ADAMTS19: variants seen among roughly 807,000 people sequenced by gnomAD.
ADAMTS19 encodes the protein ADAM metallopeptidase with thrombospondin type 1 motif 19.
A neutral mutation model predicts 153.3 loss-of-function variants in ADAMTS19; 93 were observed. The observed-to-expected ratio is 0.61, with a 90% CI of 0.51 to 0.72. The LOEUF (loss-of-function observed/expected upper bound fraction) is 0.72. Among genes scored for constraint, ADAMTS19 ranks in the 30% least tolerant of loss-of-function variants. The probability of loss-of-function intolerance (pLI) is 0.00; values close to 1 mark genes in which losing one functional copy is unlikely to be tolerated. For synonymous variants in ADAMTS19, 600 were observed against 556.6 expected (o/e 1.08, Z -1.10); for missense variants, 1,482 against 1,552.1 (o/e 0.95, Z 0.76).
chr5:129,590,539 G>T (rs545346904), intron 7 of ADAMTS19, among the ~76,000 whole-genome samples: 1 of 152,028 alleles, frequency 6.6e-6, no homozygotes, highest in Non-Finnish European at 1.5e-5. Context: ...AAAACTGCAC[G>T]TTAAGAGTGT....
At chr5:129,543,972 A>G (rs1380010953) in intron 6 of ADAMTS19, among the ~76,000 whole-genome samples, 1 of 152,188 alleles carries the variant, frequency 6.6e-6, no homozygotes, top group Non-Finnish European at 1.5e-5. Flanking sequence ...TTGAAAAGAT[A>G]TTATTTAAGG....
chr5:129,699,193 G>A (rs982787992), intron 19 of ADAMTS19, among the ~76,000 whole-genome samples: 3 of 152,084 alleles, frequency 2.0e-5, no homozygotes, highest in Non-Finnish European at 4.4e-5. Context: ...AGGCCAGAGC[G>A]GGTGAATCAC....
intron 7 of ADAMTS19, among the ~76,000 whole-genome samples, chr5:129,584,110 A>G (rs550504741): frequency 6.6e-6 from 1 of 151,924 alleles, no homozygotes; most frequent in Non-Finnish European, 1.5e-5. Context: ...TGGATGTGCT[A>G]ATCCTTTCTG....
At position 129,637,542 on chromosome 5, in the gene ADAMTS19, C is replaced by T. The variant is rs562234534; in HGVS notation, c.1771-4317C>T. On this transcript the variant is annotated intron_variant, in intron 10 of 22. Transcript: ENST00000274487. ...GGCTATTATCCTCAGCAAACTAACA[C>T]GGGAACAAAAAACCAAATAATGCCA... 5.9e-5 allele frequency among the ~76,000 whole-genome samples: 9 copies of T among 152,116 alleles called. No individual in the cohort carries two copies. The East Asian group carries it at 7.7e-4, about 13-fold the overall frequency.
intron 7 of ADAMTS19, among the ~76,000 whole-genome samples, chr5:129,563,223 T>G (rs188305801): frequency 1.3e-5 from 2 of 152,234 alleles, no homozygotes; most frequent in East Asian, 3.9e-4. Flanking sequence ...TTTTTTTTTT[T>G]GCATTATAGC....
intron 7 of ADAMTS19, among the ~76,000 whole-genome samples, chr5:129,560,211 T>A (rs67249855): frequency 0.059 from 9,053 of 152,268 alleles, 422 homozygotes; most frequent in African/African-American, 0.13. Context: ...GCTATCAGTC[T>A]AACTTATTTT....
rs761429937 is a variant in ADAMTS19, at chr5:129,694,755, A to T, written c.2854A>T (p.Met952Leu). 6.2e-7 allele frequency: 1 copy of T among 1,606,496 alleles called. No homozygotes were observed. Among genetic ancestry groups the T allele is most frequent in the African/African-American group, 1.3e-5 (1 of 74,610 alleles). The change falls in exon 19 of 23, where the codon ATG becomes TTG. Residue 952 changes from methionine (M) to leucine (L), a missense_variant. By Grantham distance (15) the Met-to-Leu change is conservative. Coordinates refer to ENST00000274487, the MANE Select transcript of ADAMTS19 (RefSeq NM_133638.6). ...RKTTVSCTKI[M>L]SKNISIVDNE... is the part of the protein sequence containing the mutation. ...GACAACAGTGTCCTGCACAAAAATC[A>T]TGAGCAAAAATATCAGCATTGTGGA... is the stretch of plus-strand genomic sequence containing the variant.
At chr5:129,691,440 A>G (rs1047547177) in intron 18 of ADAMTS19, among the ~76,000 whole-genome samples, 2 of 152,150 alleles carry the variant, frequency 1.3e-5, no homozygotes, top group African/African-American at 4.8e-5. Flanking sequence ...TATGTGCCAC[A>G]GTATTGGATG....
chr5:129,530,360 T>G (rs765303432), intron 6 of ADAMTS19, among the ~76,000 whole-genome samples: 1 of 152,110 alleles, frequency 6.6e-6, no homozygotes, highest in Non-Finnish European at 1.5e-5. Flanking sequence ...TGGCAAAAAT[T>G]TCTGCAAATT....
intron 7 of ADAMTS19, among the ~76,000 whole-genome samples, chr5:129,552,285 A>G (rs1216853594): frequency 6.6e-6 from 1 of 151,750 alleles, no homozygotes; most frequent in East Asian, 1.9e-4. Flanking sequence ...TGTATGCTTA[A>G]AGACCTTCGC....
At chr5:129,473,403 A>G (rs950017703) in intron 2 of ADAMTS19, among the ~76,000 whole-genome samples, 3 of 152,150 alleles carry the variant, frequency 2.0e-5, no homozygotes, top group Non-Finnish European at 2.9e-5. Context: ...ACTTACTGAC[A>G]GAGGAAATTG....
At chr5:129,628,959 T>C (rs977793748) in intron 10 of ADAMTS19, among the ~76,000 whole-genome samples, 4 of 152,106 alleles carry the variant, frequency 2.6e-5, no homozygotes, top group African/African-American at 9.7e-5. Context: ...TCTCAAAATG[T>C]ATTCCCATCA....
intron 22 of ADAMTS19, among the ~76,000 whole-genome samples, chr5:129,735,919 G>A (rs1369835093): frequency 1.3e-5 from 2 of 151,808 alleles, no homozygotes; most frequent in African/African-American, 4.8e-5. Flanking sequence ...AATCTCCAGG[G>A]GAACAATTGG....
chr5:129,727,725 T>C (rs1446707375), intron 21 of ADAMTS19, among the ~76,000 whole-genome samples: 1 of 152,170 alleles, frequency 6.6e-6, no homozygotes, highest in African/African-American at 2.4e-5. Flanking sequence ...TCATGTGAGA[T>C]ATTAAAATAA....
chr5:129,655,087 C>T (rs1046869537), intron 14 of ADAMTS19, among the ~76,000 whole-genome samples: 1 of 152,140 alleles, frequency 6.6e-6, no homozygotes, highest in Non-Finnish European at 1.5e-5. Context: ...AGTTGACATT[C>T]CCTGGAAGAT....
rs770452183 is a variant in ADAMTS19 at position 129,701,529 on chromosome 5, C to T, written c.3096C>T (p.Ala1032=). 2 of 1,614,214 alleles carry T rather than the reference C, an allele frequency of 1.2e-6. No individual in the cohort carries two copies. The highest frequency in any genetic ancestry group is 1.7e-6 in the Non-Finnish European group (2 of 1,180,034). Residue 1032 remains alanine, a synonymous_variant, in exon 20 of 23, where the codon GCC becomes GCT. Transcript: ENST00000274487. ...RERDCIGPKP[A]SAQRCEGQDC... is the part of the protein sequence containing the mutation. ...GGGACTGCATTGGGCCCAAGCCCGC[C>T]TCTGCCCAGCGCTGTGAGGGCCAGG...
Position 129,617,516 on chromosome 5 carries a change from C to G in ADAMTS19, c.1479-3102C>G, listed in dbSNP as rs546295607. Among the ~76,000 whole-genome samples the G allele has an allele frequency of 7.9e-5, 12 of 152,076 alleles. No individual in the cohort carries two copies. The East Asian group carries it at 1.7e-3, about 22-fold the overall frequency. ...ATTATTTTTGAGAAAGACTAGTTAC[C>G]CTTCAAAAATAATAGCATTTGTGTA... On this transcript the variant is annotated intron_variant, in intron 8 of 22. Coordinates refer to ENST00000274487, the MANE Select transcript of ADAMTS19 (RefSeq NM_133638.6).
In ADAMTS19 at chr5:129,460,344, C is replaced by A; in HGVS notation, c.-48C>A. The A allele has an allele frequency of 1.3e-6, 2 of 1,540,910 alleles. No individual in the cohort carries two copies. Among genetic ancestry groups the A allele is most frequent in the East Asian group, 2.4e-5 (1 of 41,990 alleles). On this transcript the variant is annotated 5_prime_UTR_variant, in exon 1 of 23. Coordinates refer to ENST00000274487, the MANE Select transcript of ADAMTS19 (RefSeq NM_133638.6). ...GGCCGCTGCGCCCCGGAGTGGATCG[C>A]GCTGGAGGCGTGCGCCGGGCGAGAA...
chr5:129,646,583 A>G (rs1753075853), intron 11 of ADAMTS19, among the ~76,000 whole-genome samples: 1 of 152,214 alleles, frequency 6.6e-6, no homozygotes, highest in Non-Finnish European at 1.5e-5. Flanking sequence ...TATTATTATT[A>G]CAGTTAGCCC....
Sources: allele counts gnomAD v4.1 joint callset (sites outside exome capture counted in the v4.1 genomes callset), GRCh38; gene constraint gnomAD v4.1.1; transcripts MANE v1.5; gene names NCBI Gene and HGNC (gene_info 2026-07-23, HGNC 2026-07-21).